SEZ6L: variants seen among roughly 807,000 people sequenced by gnomAD.
SEZ6L encodes the protein seizure related 6 homolog like, also known as seizure 6-like protein.
A neutral mutation model predicts 106.2 loss-of-function variants in SEZ6L; 37 were observed. That is an observed-to-expected ratio of 0.35 (90% CI 0.27 to 0.46). The LOEUF is 0.46. Ranked by LOEUF, SEZ6L falls within the 20% of genes least tolerant of loss-of-function variation. The pLI is 1.00. For missense variants in SEZ6L, 1,172 were observed against 1,332.8 expected, an observed-to-expected ratio of 0.88 and a Z score of 1.88; for synonymous variants, 541 against 570.4, an observed-to-expected ratio of 0.95 and a Z score of 0.73.
chr22:26,240,378 G>C (rs2079088666), intron 1 of SEZ6L, among the ~76,000 whole-genome samples: 1 of 152,046 alleles, frequency 6.6e-6, no homozygotes, highest in South Asian at 2.1e-4. Context: ...GTGTGATGCT[G>C]AATCAGCCCC....
rs79218509 is a variant in SEZ6L, at chr22:26,211,431, G to A, written c.94+41668G>A. 5.7e-3 allele frequency among the ~76,000 whole-genome samples: 864 copies of A among 152,242 alleles called. 4 individuals carry two copies. The highest frequency in any genetic ancestry group is 8.4e-3 in the Non-Finnish European group (570 of 68,016). On this transcript the variant is annotated intron_variant, in intron 1 of 16. Coordinates refer to ENST00000248933, the MANE Select transcript of SEZ6L (RefSeq NM_021115.5). ...CCACCCACCTCAGGTCCTAGGCCCA[G>A]AATATAAGTTCTAAAGGAAGGTAGA...
At chr22:26,340,658 T>G (rs1391438328) in intron 10 of SEZ6L, 26 bp downstream of exon 10, 2 of 1,584,908 alleles carry the variant, frequency 1.3e-6, no homozygotes, top group African/African-American at 2.7e-5. Context: ...GGTCAATTTA[T>G]TTTTTCTTTG....
chr22:26,297,057 G>A lies in SEZ6L; in HGVS notation c.1139G>A (p.Gly380Glu). 1 of 1,613,226 alleles carries A rather than the reference G, an allele frequency of 6.2e-7. No homozygotes were observed. Among genetic ancestry groups the A allele is most frequent in the Non-Finnish European group, 8.5e-7 (1 of 1,179,526 alleles). ...YFRTFQDDGL[G>E]TFQLHYQAFM... ...CGGACCTTCCAGGACGACGGCCTTG[G>A]GACCTTCCAGCTTCACTACCAGGGT... Residue 380 changes from glycine (G) to glutamate (E), a missense_variant, in exon 4 of 17, where the codon GGG becomes GAG. Physicochemically the swap from Gly to Glu is moderately conservative, Grantham distance 98. Coordinates refer to ENST00000248933, the MANE Select transcript of SEZ6L (RefSeq NM_021115.5).
chr22:26,264,462 C>A (rs561417618), intron 1 of SEZ6L, among the ~76,000 whole-genome samples: 1 of 152,090 alleles, frequency 6.6e-6, no homozygotes, highest in African/African-American at 2.4e-5. Flanking sequence ...GAATTTAATG[C>A]CAAAATGGGT....
At chr22:26,342,107 C>T (rs1161120157) in intron 10 of SEZ6L, among the ~76,000 whole-genome samples, 2 of 152,172 alleles carry the variant, frequency 1.3e-5, no homozygotes, top group Admixed American at 1.3e-4. Flanking sequence ...TGGGCAGCAG[C>T]GGAGAACCTG....
In SEZ6L at chr22:26,381,887, T is replaced by C; in HGVS notation, c.*1592T>C. 2.5e-6 allele frequency: 1 copy of C among 407,768 alleles called. No homozygotes were observed. The allele number at this position is 407,768 out of a possible 1,614,324, so 25.3% of individuals were successfully genotyped here. On this transcript the variant is annotated 3_prime_UTR_variant, in exon 17 of 17. Coordinates refer to ENST00000248933, the MANE Select transcript of SEZ6L (RefSeq NM_021115.5). ...CCATTCTCTCTGGAATTGTTTCAAG[T>C]CTGCTGGTTTTCAAACAAGAAAAGA...
At chr22:26,361,207 T>C (rs2083611361) in intron 12 of SEZ6L, among the ~76,000 whole-genome samples, 1 of 151,988 alleles carries the variant, frequency 6.6e-6, no homozygotes, top group Admixed American at 6.6e-5. Flanking sequence ...TTTAAAAATA[T>C]ATTACATAGG....
intron 1 of SEZ6L, among the ~76,000 whole-genome samples, chr22:26,180,410 G>A (rs947889328): frequency 6.6e-6 from 1 of 152,200 alleles, no homozygotes; most frequent in Admixed American, 6.5e-5. Context: ...GGGGTTAGGA[G>A]TTGACTTTTA....
chr22:26,275,801 G>C (rs137185), intron 1 of SEZ6L, among the ~76,000 whole-genome samples: 78,960 of 152,044 alleles, frequency 0.52, 21,984 homozygotes, highest in African/African-American at 0.65. Flanking sequence ...TTGGGGCCAC[G>C]AAGTGTCCTC....
intron 1 of SEZ6L, among the ~76,000 whole-genome samples, chr22:26,182,248 C>T (rs1465918420): frequency 1.3e-5 from 2 of 152,214 alleles, no homozygotes; most frequent in African/African-American, 4.8e-5. Flanking sequence ...AGACTAGAAA[C>T]TCCTCACGTC....
chr22:26,194,186 C>T (rs1484898068), intron 1 of SEZ6L, among the ~76,000 whole-genome samples: 1 of 152,200 alleles, frequency 6.6e-6, no homozygotes, highest in African/African-American at 2.4e-5. Context: ...TGAAAGCAAC[C>T]TTACATGCCA....
At chr22:26,231,059 G>A (rs1360881615) in intron 1 of SEZ6L, among the ~76,000 whole-genome samples, 2 of 152,248 alleles carry the variant, frequency 1.3e-5, no homozygotes, top group Admixed American at 6.5e-5. Context: ...GTGGTGTTAA[G>A]CAGCAACTTT....
chr22:26,360,211 G>C (rs2083567477), intron 12 of SEZ6L, among the ~76,000 whole-genome samples: 1 of 152,186 alleles, frequency 6.6e-6, no homozygotes, highest in South Asian at 2.1e-4. Flanking sequence ...CAGGGCACAG[G>C]ATAACCCAAG....
intron 1 of SEZ6L, among the ~76,000 whole-genome samples, chr22:26,263,548 T>C (rs977350610): frequency 1.6e-4 from 24 of 152,252 alleles, no homozygotes; most frequent in African/African-American, 5.8e-4. Flanking sequence ...AATGCCTTTA[T>C]TGACATCCTT....
At chr22:26,233,297 C>T (rs1177763621) in intron 1 of SEZ6L, among the ~76,000 whole-genome samples, 2 of 152,226 alleles carry the variant, frequency 1.3e-5, no homozygotes, top group Non-Finnish European at 2.9e-5. Context: ...GAGCTGCCTT[C>T]ATCCTGTCAT....
At chr22:26,212,180 C>T (rs923314182) in intron 1 of SEZ6L, among the ~76,000 whole-genome samples, 1 of 152,112 alleles carries the variant, frequency 6.6e-6, no homozygotes, top group East Asian at 1.9e-4. Context: ...GGAGATGAGA[C>T]AGGGAAATGG....
At chr22:26,216,909 T>C (rs922906246) in intron 1 of SEZ6L, among the ~76,000 whole-genome samples, 1 of 152,130 alleles carries the variant, frequency 6.6e-6, no homozygotes, top group African/African-American at 2.4e-5. Flanking sequence ...CTTAAGGCCA[T>C]ATAACCAGGA....
chr22:26,359,670 T>C (rs576989548), intron 12 of SEZ6L, among the ~76,000 whole-genome samples: 1 of 152,206 alleles, frequency 6.6e-6, no homozygotes, highest in East Asian at 1.9e-4. Flanking sequence ...CCAGGCATGA[T>C]GGTGCACGCC....
intron 1 of SEZ6L, among the ~76,000 whole-genome samples, chr22:26,171,708 G>A (rs905278694): frequency 1.3e-5 from 2 of 152,016 alleles, no homozygotes; most frequent in African/African-American, 4.8e-5. Flanking sequence ...TTGACTTCAG[G>A]TCACCACCAA....
Sources: gnomAD v4.1 joint callset for allele counts (sites outside exome capture counted in the v4.1 genomes callset) on GRCh38, gnomAD v4.1.1 for gene constraint, MANE v1.5 for transcripts, NCBI Gene and HGNC (gene_info 2026-07-23, HGNC 2026-07-21) for gene names.